The following CMC1 variants were observed in gnomAD, a reference collection of about 807,000 sequenced individuals.
The protein encoded by CMC1 is COX assembly mitochondrial protein homolog.
In CMC1, 14 loss-of-function variants were observed where a neutral mutation model predicts 14.1. The ratio of observed to expected loss-of-function variants is 0.99; its 90% CI spans 0.66 to 1.55. The LOEUF is 1.55. Ranked by LOEUF, CMC1 falls within the 40% of genes most tolerant of loss-of-function variation. CMC1 has a pLI of 0.00. For synonymous variants in CMC1, 50 were observed against 38.4 expected (o/e 1.30, Z -1.12); for missense variants, 127 against 123.8 (o/e 1.03, Z -0.12).
At chr3:28,313,779 C>G (rs138757879) in intron 2 of CMC1, among the ~76,000 whole-genome samples, 16 of 152,238 alleles carry the variant, frequency 1.1e-4, no homozygotes, top group African/African-American at 3.6e-4. Context: ...TAATATTAGA[C>G]AAAACAAGTC....
In CMC1 at chr3:28,270,920, C is replaced by CTTT. The variant is rs71087680; in HGVS notation, c.109+7560_109+7562dup. On this transcript the variant is annotated intron_variant, in intron 2 of 3. Coordinates refer to ENST00000466830, the MANE Select transcript of CMC1 (RefSeq NM_182523.2). The stretch of plus-strand genomic sequence containing the variant: ...TCTTTAATTCATCTTGAGTTAATTT[C>CTTT]TTTTTTTTTTTTTTTTTTTTTTGAG... Among the ~76,000 whole-genome samples, 700 of 83,740 alleles carry CTTT rather than the reference C, an allele frequency of 8.4e-3. 4 individuals carry two copies. The highest frequency in any genetic ancestry group is 0.013 in the African/African-American group (258 of 19,752). 54.9% of individuals were successfully genotyped at this position (83,740 alleles called of 152,430 possible). A position where few individuals can be genotyped will look rare whatever the true frequency, so the allele number is the denominator to read the frequency against.
At chr3:28,268,934 T>C (rs930659094) in intron 2 of CMC1, among the ~76,000 whole-genome samples, 1 of 152,228 alleles carries the variant, frequency 6.6e-6, no homozygotes, top group African/African-American at 2.4e-5. Flanking sequence ...ACTGAGGTTC[T>C]AGTTTTATCA....
chr3:28,263,366 C>A lies in CMC1; in HGVS notation c.95C>A (p.Ser32Tyr). ...AGAGAAAAGGCCAAAGAGAGGTGTT[C>A]TGAACAAGTTCAAGGTAACATTCAA... ...IMREKAKERC[S>Y]EQVQDFTKCC... Residue 32 changes from serine (S) to tyrosine (Y), a missense_variant, in exon 2 of 4, where the codon TCT (serine) becomes TAT (tyrosine). By Grantham distance (144) the Ser-to-Tyr change is moderately radical. Coordinates refer to ENST00000466830, the MANE Select transcript of CMC1 (RefSeq NM_182523.2). 1 of 1,597,286 alleles carries A rather than the reference C, an allele frequency of 6.3e-7. No homozygotes were observed. The highest frequency in any genetic ancestry group is 8.5e-7 in the Non-Finnish European group (1 of 1,170,700).
intron 1 of CMC1, among the ~76,000 whole-genome samples, chr3:28,258,500 T>C (rs1441455012): frequency 1.3e-5 from 2 of 151,786 alleles, no homozygotes; most frequent in Non-Finnish European, 2.9e-5. Context: ...TTTTTTTTTT[T>C]TCCATGTTAA....
chr3:28,288,429 A>C (rs1187491382), intron 2 of CMC1, among the ~76,000 whole-genome samples: 8 of 152,030 alleles, frequency 5.3e-5, no homozygotes, highest in Non-Finnish European at 8.8e-5. Context: ...ATATCATTAA[A>C]GCTTATTCAT....
intron 1 of CMC1, 57 bp from the exon 2 acceptor site, chr3:28,263,234 C>A: frequency 8.1e-7 from 1 of 1,238,620 alleles, no homozygotes; most frequent in African/African-American, 1.5e-5. Flanking sequence ...TCTTATTTTT[C>A]CTTTAATCTG....
intron 2 of CMC1, among the ~76,000 whole-genome samples, chr3:28,275,505 T>A (rs1700536550): frequency 6.6e-6 from 1 of 151,918 alleles, no homozygotes; most frequent in Non-Finnish European, 1.5e-5. Context: ...GGGATCTTGG[T>A]CTCAGAGGGG....
chr3:28,254,778 C>T (rs569292975), intron 1 of CMC1, among the ~76,000 whole-genome samples: 1 of 152,014 alleles, frequency 6.6e-6, no homozygotes, highest in African/African-American at 2.4e-5. Context: ...AAAAAAGTAA[C>T]AATTTGAAAT....
chr3:28,299,678 T>C (rs1170341966), intron 2 of CMC1, among the ~76,000 whole-genome samples: 2 of 152,180 alleles, frequency 1.3e-5, no homozygotes, highest in African/African-American at 4.8e-5. Context: ...TTCTAGTTAC[T>C]AATTTTAAAA....
In CMC1 at chr3:28,262,113, T is replaced by C. The variant is rs75678844; in HGVS notation, c.20-1178T>C. 1.8e-4 allele frequency among the ~76,000 whole-genome samples: 27 copies of C among 152,252 alleles called. No individual in the cohort carries two copies. The East Asian group carries it at 5.2e-3, about 29-fold the overall frequency. ...TTCTTTATAATTCTCTCTCAGAACT[T>C]TGAAGTTATTTCTCCATTGTCTTGT... On this transcript the variant is annotated intron_variant, in intron 1 of 3. Coordinates refer to ENST00000466830, the MANE Select transcript of CMC1 (RefSeq NM_182523.2).
At chr3:28,300,710 C>CTTTCCCTCCCTTTCCCTCCCTTTCCCT (rs1559436596) in intron 2 of CMC1, among the ~76,000 whole-genome samples, 2 of 49,720 alleles carry the variant, frequency 4.0e-5, no homozygotes, top group African/African-American at 1.6e-4. Flanking sequence ...TCCCTCTCAC[C>CTTTCCCTCCCTTTCCCTCCCTTTCCCT]CTCCCTCCTT....
chr3:28,276,159 G>A (rs1468228329), intron 2 of CMC1, among the ~76,000 whole-genome samples: 2 of 152,088 alleles, frequency 1.3e-5, no homozygotes, highest in Non-Finnish European at 2.9e-5. Flanking sequence ...TCAATTCCCA[G>A]TGCAGGATTC....
At chr3:28,291,001 G>A (rs950877269) in intron 2 of CMC1, among the ~76,000 whole-genome samples, 1 of 151,994 alleles carries the variant, frequency 6.6e-6, no homozygotes, top group Non-Finnish European at 1.5e-5. Context: ...GTCACTCATG[G>A]TTGTTGGCAG....
Position 28,324,795 on chromosome 3 carries a change from T to TA in CMC1, c.*5170dup, listed in dbSNP as rs531092464. ...TTTAAAAGTTGGAAACTAATACAGTTAAAATACAAATAAAGATCCTGTTCT... is the reference window on the plus strand; with the variant it reads ...TTTAAAAGTTGGAAACTAATACAGTTAAAAATACAAATAAAGATCCTGTTCT... On this transcript the variant is annotated 3_prime_UTR_variant, in exon 4 of 4. Coordinates refer to ENST00000466830, the MANE Select transcript of CMC1 (RefSeq NM_182523.2). 3 of 181,064 alleles carry TA rather than the reference T, an allele frequency of 1.7e-5. No homozygotes were observed. Among genetic ancestry groups the TA allele is most frequent in the Non-Finnish European group, 3.4e-5 (3 of 87,760 alleles). 11.2% of individuals were successfully genotyped at this position (181,064 alleles called of 1,614,324 possible). A position where few individuals can be genotyped will look rare whatever the true frequency, so the allele number is the denominator to read the frequency against.
At chr3:28,259,531 C>A (rs963251826) in intron 1 of CMC1, among the ~76,000 whole-genome samples, 8 of 152,110 alleles carry the variant, frequency 5.3e-5, no homozygotes, top group African/African-American at 1.9e-4. Flanking sequence ...ATTGTTGATT[C>A]AGGTACTAAT....
intron 1 of CMC1, among the ~76,000 whole-genome samples, chr3:28,244,203 A>G (rs1480492070): frequency 1.3e-5 from 2 of 152,208 alleles, no homozygotes; most frequent in Non-Finnish European, 2.9e-5. Flanking sequence ...TAAAGAGGGC[A>G]GTAACATAAT....
intron 2 of CMC1, among the ~76,000 whole-genome samples, chr3:28,304,504 T>C (rs1054309757): frequency 6.6e-6 from 1 of 152,140 alleles, no homozygotes; most frequent in African/African-American, 2.4e-5. Context: ...ATTATGTGAA[T>C]CTAAGGTATT....
At chr3:28,247,798 G>T (rs890541046) in intron 1 of CMC1, among the ~76,000 whole-genome samples, 1 of 152,060 alleles carries the variant, frequency 6.6e-6, no homozygotes, top group East Asian at 1.9e-4. Flanking sequence ...ACAGGTTGTG[G>T]TTAACAAGTT....
intron 1 of CMC1, among the ~76,000 whole-genome samples, chr3:28,262,102 C>G (rs929410452): frequency 1.3e-5 from 2 of 152,104 alleles, no homozygotes; most frequent in African/African-American, 4.8e-5. Flanking sequence ...TTATAATTCT[C>G]TCTCAGAACT....
Sources: allele counts gnomAD v4.1 joint callset (sites outside exome capture counted in the v4.1 genomes callset), GRCh38; gene constraint gnomAD v4.1.1; transcripts MANE v1.5; gene names NCBI Gene and HGNC (gene_info 2026-07-23, HGNC 2026-07-21).